The following INSL6 variants were observed in gnomAD, a reference collection of about 807,000 sequenced individuals.
INSL6 encodes the protein insulin like 6, also known as insulin-like peptide INSL6.
A neutral mutation model predicts 9.4 loss-of-function variants in INSL6; 16 were observed. The ratio of observed to expected loss-of-function variants is 1.70; its 90% CI spans 1.15 to 2.59. The LOEUF is 2.59. Ranked by LOEUF, INSL6 falls within the 30% of genes most tolerant of loss-of-function variation. The probability of loss-of-function intolerance (pLI) is 0.00; values close to 1 mark genes in which losing one functional copy is unlikely to be tolerated. For synonymous variants in INSL6, 154 were observed against 96.9 expected (o/e 1.59, Z -3.46); for missense variants, 391 against 257.3 (o/e 1.52, Z -3.56).
chr9:5,130,320 G>C (rs184418732), intron 3 of INSL6, among the ~76,000 whole-genome samples: 3 of 152,270 alleles, frequency 2.0e-5, no homozygotes, highest in African/African-American at 7.2e-5. Flanking sequence ...TATTTATTGA[G>C]GTAAAGTAAA....
chr9:4,997,810 G>C, the INSL6 span, among the ~76,000 whole-genome samples: 1 of 152,172 alleles, frequency 6.6e-6, no homozygotes, highest in Non-Finnish European at 1.5e-5. Context: ...TCTGATTGAT[G>C]AGTAACTGGA....
At chr9:5,023,650 C>T in the INSL6 span, among the ~76,000 whole-genome samples, 1 of 152,318 alleles carries the variant, frequency 6.6e-6, no homozygotes, top group African/African-American at 2.4e-5. Flanking sequence ...TCTTGCCAAT[C>T]CCGGCTGGGC....
At chr9:5,108,680 A>G in the INSL6 span, 11 of 152,106 alleles carry the variant, frequency 7.2e-5, 1 homozygote, top group East Asian at 1.5e-3. Context: ...TCAGCCCCCT[A>G]ACAGAATATA....
intron 1 of INSL6, among the ~76,000 whole-genome samples, chr9:5,180,108 G>A (rs906431181): frequency 6.6e-6 from 1 of 152,204 alleles, no homozygotes; most frequent in African/African-American, 2.4e-5. Flanking sequence ...CATGGCAGAG[G>A]AACATAAATT....
chr9:5,104,273 A>C, the INSL6 span, among the ~76,000 whole-genome samples: 1 of 152,222 alleles, frequency 6.6e-6, no homozygotes, highest in African/African-American at 2.4e-5. Flanking sequence ...CCATCAGAGA[A>C]TACTATTAAC....
the INSL6 span, among the ~76,000 whole-genome samples, chr9:5,000,721 ATAAT>A: frequency 6.6e-6 from 1 of 152,194 alleles, no homozygotes; most frequent in Non-Finnish European, 1.5e-5. Flanking sequence ...TGTCTTAAAA[ATAAT>A]TAGTTTGTGG....
chr9:5,126,724 A>G (rs1260770215), intron 3 of INSL6: 12 of 1,611,278 alleles, frequency 7.4e-6, no homozygotes, highest in East Asian at 6.7e-5. Flanking sequence ...AATAATGTAA[A>G]TCAACGCCCC....
At chr9:4,994,714 T>A in the INSL6 span, among the ~76,000 whole-genome samples, 1 of 152,054 alleles carries the variant, frequency 6.6e-6, no homozygotes, top group African/African-American at 2.4e-5. Context: ...CTGGCTAAAT[T>A]TGGTATGTGT....
chr9:5,159,195 C>A (rs887830677), downstream of INSL6, among the ~76,000 whole-genome samples: 3 of 151,910 alleles, frequency 2.0e-5, no homozygotes, highest in African/African-American at 7.3e-5. Flanking sequence ...AAGAAAATCA[C>A]CTTCCCTAAA....
the INSL6 span, chr9:5,114,842 C>T: frequency 4.0e-6 from 1 of 248,440 alleles, no homozygotes; most frequent in Non-Finnish European, 8.0e-6. Context: ...GGGCTCTGTC[C>T]AGCTGTGTGG....
chr9:5,057,552 C>G, the INSL6 span, among the ~76,000 whole-genome samples: 1 of 151,032 alleles, frequency 6.6e-6, no homozygotes, highest in East Asian at 1.9e-4. Context: ...CCCCCTCTTC[C>G]CAATCCTTGC....
At chr9:5,124,897 T>A (rs1448379417) in intron 3 of INSL6, among the ~76,000 whole-genome samples, 2 of 151,500 alleles carry the variant, frequency 1.3e-5, no homozygotes, top group African/African-American at 4.8e-5. Flanking sequence ...TAAGGCAATA[T>A]CAAACAAAAT....
the INSL6 span, among the ~76,000 whole-genome samples, chr9:5,035,518 CA>C: frequency 1.3e-5 from 2 of 152,324 alleles, no homozygotes; most frequent in Middle Eastern, 6.8e-3. Flanking sequence ...AGCAGCACAT[CA>C]AAAAGCTTAT....
the INSL6 span, chr9:5,069,971 A>G: frequency 1.9e-6 from 3 of 1,606,724 alleles, no homozygotes; most frequent in Non-Finnish European, 2.6e-6. Context: ...TTTCTGATGT[A>G]CCAACCTCAC....
At chr9:5,057,031 A>G in the INSL6 span, among the ~76,000 whole-genome samples, 1 of 152,318 alleles carries the variant, frequency 6.6e-6, no homozygotes, top group African/African-American at 2.4e-5. Flanking sequence ...GAATTGTGCA[A>G]CAAACTGGGA....
At chr9:5,026,663 A>C in the INSL6 span, among the ~76,000 whole-genome samples, 1 of 152,154 alleles carries the variant, frequency 6.6e-6, no homozygotes, top group Non-Finnish European at 1.5e-5. Flanking sequence ...ATTCTGTGGA[A>C]CTTCTAAAGA....
chr9:5,083,373 A>C, the INSL6 span, among the ~76,000 whole-genome samples: 1 of 152,330 alleles, frequency 6.6e-6, no homozygotes, highest in East Asian at 1.9e-4. Context: ...TCTTTCTCGC[A>C]TAAGCTTGCT....
chr9:5,151,952 T>C (rs1253379362), intron 2 of INSL6, among the ~76,000 whole-genome samples: 1 of 152,116 alleles, frequency 6.6e-6, no homozygotes, highest in Admixed American at 6.5e-5. Context: ...GAAAATGATA[T>C]ATGATGGAAA....
At chr9:5,093,606 A>T in the INSL6 span, among the ~76,000 whole-genome samples, 768 of 152,314 alleles carry the variant, frequency 5.0e-3, 3 homozygotes, top group Non-Finnish European at 6.9e-3. Flanking sequence ...CTCTGCATTA[A>T]AAATTTTGGT....
Sources: gnomAD v4.1 joint callset for allele counts (sites outside exome capture counted in the v4.1 genomes callset) on GRCh38, gnomAD v4.1.1 for gene constraint, MANE v1.5 for transcripts, NCBI Gene and HGNC (gene_info 2026-07-23, HGNC 2026-07-21) for gene names.